GBE1: variants seen among roughly 807,000 people sequenced by gnomAD.
GBE1 encodes the protein 1,4-alpha-glucan-branching enzyme.
Under a neutral mutation model 88.8 loss-of-function variants are expected in GBE1, and 70 were observed. That is an observed-to-expected ratio of 0.79 (90% CI 0.65 to 0.96). GBE1 has a LOEUF of 0.96. Among genes scored for constraint, GBE1 ranks in the 40% least tolerant of loss-of-function variants. The pLI, the probability that GBE1 is intolerant of heterozygous loss-of-function variation, is 0.00. For synonymous variants in GBE1, 284 were observed against 300.1 expected (o/e 0.95, Z 0.56); for missense variants, 872 against 871.0 (o/e 1.00, Z -0.01).
chr3:81,606,370 G>C (rs1218111979), intron 7 of GBE1, among the ~76,000 whole-genome samples: 2 of 152,204 alleles, frequency 1.3e-5, no homozygotes, highest in African/African-American at 4.8e-5. Flanking sequence ...TGTCATCAAA[G>C]TCCATGCCCA....
At chr3:81,638,353 G>A (rs911736649) in intron 7 of GBE1, among the ~76,000 whole-genome samples, 1 of 152,098 alleles carries the variant, frequency 6.6e-6, no homozygotes, top group Non-Finnish European at 1.5e-5. Context: ...TTAGAAGTCA[G>A]TATTTTATCT....
chr3:81,551,344 G>A (rs142088250), intron 12 of GBE1, among the ~76,000 whole-genome samples: 45 of 152,152 alleles, frequency 3.0e-4, no homozygotes, highest in African/African-American at 1.1e-3. Flanking sequence ...TGGACAAGAG[G>A]GATCAAAAGA....
intron 2 of GBE1, among the ~76,000 whole-genome samples, chr3:81,686,974 C>T (rs768246349): frequency 2.0e-5 from 3 of 152,208 alleles, no homozygotes; most frequent in Middle Eastern, 3.4e-3. Flanking sequence ...ACATACTACA[C>T]GGTCAGCATC....
chr3:81,617,223 T>C (rs1704260813), intron 7 of GBE1, among the ~76,000 whole-genome samples: 2 of 152,010 alleles, frequency 1.3e-5, no homozygotes, highest in African/African-American at 4.8e-5. Flanking sequence ...CTTTTCTTTT[T>C]ATTTATTTTT....
intron 1 of GBE1, among the ~76,000 whole-genome samples, chr3:81,727,214 A>T (rs1222692908): frequency 6.6e-6 from 1 of 152,216 alleles, no homozygotes; most frequent in Non-Finnish European, 1.5e-5. Context: ...AATCCTGCAA[A>T]TGTTACACAT....
At chr3:81,495,222 C>T (rs539156440) in intron 15 of GBE1, among the ~76,000 whole-genome samples, 1 of 152,194 alleles carries the variant, frequency 6.6e-6, no homozygotes, top group South Asian at 2.1e-4. Flanking sequence ...AACCTCGTCT[C>T]TACTAAAAAT....
chr3:81,627,889 C>T (rs1021268121), intron 7 of GBE1, among the ~76,000 whole-genome samples: 2 of 151,924 alleles, frequency 1.3e-5, no homozygotes, highest in Non-Finnish European at 1.5e-5. Flanking sequence ...TGGCCTCAAG[C>T]GATCCTCCCA....
In GBE1 at chr3:81,750,589, G is replaced by GTATATGTA. The variant is rs1706495979; in HGVS notation, c.143+10785_143+10786insTACATATA. ...TATATATATATACGTATATATATAC[G>GTATATGTA]TATATATATATGTGTATATATATAT... On this transcript the variant is annotated intron_variant, in intron 1 of 15. Transcript: ENST00000429644. Among the ~76,000 whole-genome samples the GTATATGTA allele has an allele frequency of 9.7e-5, 3 of 30,820 alleles. 1 individual carries two copies. Among genetic ancestry groups the GTATATGTA allele is most frequent in the South Asian group, 6.9e-4 (1 of 1,448 alleles). The allele number at this position is 30,820 out of a possible 152,430, so 20.2% of individuals were successfully genotyped here.
In GBE1 at chr3:81,490,160, T is replaced by C; in HGVS notation, c.*247A>G. Reference sequence around the variant, plus strand: ...AACATATTATATATAACACTTCCATTTGAGAATCCTAGCTGCTAAGATGAC... The same window carrying C: ...AACATATTATATATAACACTTCCATCTGAGAATCCTAGCTGCTAAGATGAC... On this transcript the variant is annotated 3_prime_UTR_variant, in exon 16 of 16. Transcript: ENST00000429644. 2.1e-6 allele frequency: 1 copy of C among 485,988 alleles called. No homozygotes were observed. The highest frequency in any genetic ancestry group is 3.6e-6 in the Non-Finnish European group (1 of 277,452). 30.1% of individuals were successfully genotyped at this position (485,988 alleles called of 1,614,324 possible).
Position 81,578,094 on chromosome 3 carries a change from T to C in GBE1, c.1449A>G (p.Ala483=). Reference sequence around the variant, plus strand: ...ATGCCAGCGACTTATCCCCAACCAATGCCTACAGAAATAAAAGTAATGGAG... The same window carrying C: ...ATGCCAGCGACTTATCCCCAACCAACGCCTACAGAAATAAAAGTAATGGAG... ...CIAYAESHDQ[A]LVGDKSLAFW... is the part of the protein sequence containing the mutation. Residue 483 remains alanine (A), a splice_region_variant and synonymous_variant, in exon 12 of 16, where the codon GCA becomes GCG. Coordinates refer to ENST00000429644, the MANE Select transcript of GBE1 (RefSeq NM_000158.4). 2 of 1,589,598 alleles carry C rather than the reference T, an allele frequency of 1.3e-6. No individual in the cohort carries two copies. The highest frequency in any genetic ancestry group is 1.7e-6 in the Non-Finnish European group (2 of 1,168,654).
chr3:81,693,377 C>G (rs1043471404), intron 2 of GBE1, among the ~76,000 whole-genome samples: 3 of 151,996 alleles, frequency 2.0e-5, no homozygotes, highest in Non-Finnish European at 4.4e-5. Context: ...TACTTCCTAA[C>G]GTATCTTTAT....
At chr3:81,570,617 T>C (rs1703561260) in intron 12 of GBE1, among the ~76,000 whole-genome samples, 1 of 152,224 alleles carries the variant, frequency 6.6e-6, no homozygotes, top group Admixed American at 6.5e-5. Context: ...GGTGTAATTG[T>C]AACTTAGTAC....
At chr3:81,666,811 T>C (rs891693850) in intron 3 of GBE1, among the ~76,000 whole-genome samples, 3 of 152,212 alleles carry the variant, frequency 2.0e-5, no homozygotes, top group African/African-American at 7.2e-5. Context: ...CTCTAAATTA[T>C]GTGTTTATTT....
chr3:81,646,381 T>A lies in GBE1; in HGVS notation c.782+11A>T. ...AAAATAAAAATGAACACAATGAGTC[T>A]CTGATTTTACCTGGAAGCTGCAAAG... On this transcript the variant is annotated intron_variant, in intron 6 of 15. Transcript: ENST00000429644. 6.5e-7 allele frequency: 1 copy of A among 1,537,240 alleles called. No individual in the cohort carries two copies. Among genetic ancestry groups the A allele is most frequent in the Non-Finnish European group, 8.9e-7 (1 of 1,123,462 alleles).
In GBE1 at chr3:81,614,762, G is replaced by T. The variant is rs1395776395; in HGVS notation, c.993-20739C>A. On this transcript the variant is annotated intron_variant, in intron 7 of 15. Coordinates refer to ENST00000429644, the MANE Select transcript of GBE1 (RefSeq NM_000158.4). ...TAATCCCAGCTACTCAGGAGGCTGA[G>T]GCAGGAGAATCGCTTGAACCCAGGA... Among the ~76,000 whole-genome samples the T allele has an allele frequency of 3.3e-5, 5 of 152,312 alleles. No individual in the cohort carries two copies. The East Asian group carries it at 9.7e-4, about 29-fold the overall frequency.
rs566957017 is a variant in GBE1, at chr3:81,645,171, T to G, written c.782+1221A>C. On this transcript the variant is annotated intron_variant, in intron 6 of 15. Coordinates refer to ENST00000429644, the MANE Select transcript of GBE1 (RefSeq NM_000158.4). ...CATATATTTAAGCTACAAAACTGGA[T>G]GAGACTTGATGAGATCCTCCCGAAT... Among the ~76,000 whole-genome samples the G allele has an allele frequency of 1.2e-4, 19 of 152,280 alleles. No homozygotes were observed. In the South Asian group the frequency reaches 3.5e-3, roughly 28 times the overall value.
At chr3:81,626,647 G>C (rs1424506268) in intron 7 of GBE1, among the ~76,000 whole-genome samples, 1 of 151,638 alleles carries the variant, frequency 6.6e-6, no homozygotes, top group Non-Finnish European at 1.5e-5. Context: ...GCACTGGAGT[G>C]GCTAGAGCGT....
At position 81,636,932 on chromosome 3, in the gene GBE1, G is replaced by C. The variant is rs571580786; in HGVS notation, c.992+5849C>G. Among the ~76,000 whole-genome samples the C allele has an allele frequency of 2.2e-3, 341 of 152,216 alleles. 3 individuals carry two copies. The highest frequency in any genetic ancestry group is 7.8e-3 in the African/African-American group (324 of 41,528). ...AATTCAGTGCTTTGAAATCTATCCA[G>C]TGAAATTAAAAACAAATACATTAGC... is the stretch of plus-strand genomic sequence containing the variant. On this transcript the variant is annotated intron_variant, in intron 7 of 15. Transcript: ENST00000429644.
intron 8 of GBE1, among the ~76,000 whole-genome samples, chr3:81,593,632 A>C (rs1289403698): frequency 1.3e-5 from 2 of 152,098 alleles, no homozygotes; most frequent in Non-Finnish European, 2.9e-5. Context: ...GAAGTGCTGT[A>C]GTGTTCACAT....
Sources: gnomAD v4.1 joint callset for allele counts (sites outside exome capture counted in the v4.1 genomes callset) on GRCh38, gnomAD v4.1.1 for gene constraint, MANE v1.5 for transcripts, NCBI Gene and HGNC (gene_info 2026-07-23, HGNC 2026-07-21) for gene names.